The following NME7 variants were observed in gnomAD, a reference collection of about 807,000 sequenced individuals.
NME7 encodes the protein nucleoside diphosphate kinase 7.
NME7 carries 41 observed loss-of-function variants against 49.1 expected under a neutral mutation model. The observed-to-expected ratio is 0.83, with a 90% CI of 0.65 to 1.08. NME7 has a LOEUF of 1.08. Among genes scored for constraint, NME7 ranks in the 50% least tolerant of loss-of-function variants. NME7 has a pLI of 0.00. For missense variants in NME7, 423 were observed against 463.4 expected (o/e 0.91, Z 0.80); for synonymous variants, 139 against 150.6 (o/e 0.92, Z 0.56).
chr1:169,227,071 C>A (rs185666217), intron 10 of NME7, among the ~76,000 whole-genome samples: 4 of 152,194 alleles, frequency 2.6e-5, no homozygotes, highest in African/African-American at 9.6e-5. Context: ...CAGGAGTGAG[C>A]CTTGCACATA....
chr1:169,216,116 G>A (rs1009035642), intron 10 of NME7, among the ~76,000 whole-genome samples: 3 of 152,198 alleles, frequency 2.0e-5, no homozygotes, highest in Non-Finnish European at 2.9e-5. Context: ...AACACATTTG[G>A]TCTTAGTCCT....
At position 169,168,449 on chromosome 1, in the gene NME7, C is replaced by A. The variant is rs1659477576; in HGVS notation, c.1098+998G>T. The stretch of plus-strand genomic sequence containing the variant: ...TCCCCGCCTTTTTTGGAGGCAAAGT[C>A]TCGCTATGATGTCCAGGGTGGAGTT... On this transcript the variant is annotated intron_variant, in intron 11 of 11. Transcript: ENST00000367811. 2.0e-5 allele frequency among the ~76,000 whole-genome samples: 3 copies of A among 151,860 alleles called. No homozygotes were observed. The South Asian group carries it at 6.2e-4, about 32-fold the overall frequency.
intron 11 of NME7, among the ~76,000 whole-genome samples, chr1:169,147,421 C>T (rs1160240217): frequency 1.3e-5 from 2 of 152,142 alleles, no homozygotes; most frequent in African/African-American, 2.4e-5. Context: ...CCCAGATTGC[C>T]TGGGTTCAAG....
chr1:169,148,047 G>A lies in NME7; in HGVS notation c.1099-15230C>T, dbSNP rs555389656. ...AGACAGAGTCTCGCTCTGTTGCCCA[G>A]GCTGGAGTGCAGTGCTTTGATCTCT... is the stretch of plus-strand genomic sequence containing the variant. On this transcript the variant is annotated intron_variant, in intron 11 of 11. Coordinates refer to ENST00000367811, the MANE Select transcript of NME7 (RefSeq NM_013330.5). Among the ~76,000 whole-genome samples, 13 of 151,886 alleles carry A rather than the reference G, an allele frequency of 8.6e-5. No homozygotes were observed. The East Asian group carries it at 1.4e-3, about 16-fold the overall frequency.
chr1:169,186,790 T>G (rs1235267966), intron 10 of NME7, among the ~76,000 whole-genome samples: 1 of 152,194 alleles, frequency 6.6e-6, no homozygotes, highest in Non-Finnish European at 1.5e-5. Flanking sequence ...ATTTCTTGTC[T>G]TCTGCTAGCT....
intron 1 of NME7, among the ~76,000 whole-genome samples, chr1:169,344,251 CA>C (rs770159506): frequency 3.9e-5 from 6 of 152,260 alleles, no homozygotes; most frequent in Non-Finnish European, 8.8e-5. Context: ...TTGTATTCTG[CA>C]ACTTTGATGA....
At chr1:169,257,588 C>A (rs949982119) in intron 7 of NME7, among the ~76,000 whole-genome samples, 1 of 134,044 alleles carries the variant, frequency 7.5e-6, no homozygotes, top group African/African-American at 2.5e-5. Flanking sequence ...TTGGCTCCTC[C>A]CCCTCTGGTT....
intron 10 of NME7, among the ~76,000 whole-genome samples, chr1:169,197,926 C>G (rs1379514043): frequency 6.6e-6 from 1 of 152,040 alleles, no homozygotes; most frequent in African/African-American, 2.4e-5. Flanking sequence ...AAGTAACAGA[C>G]AGCCCACAGA....
intron 9 of NME7, among the ~76,000 whole-genome samples, chr1:169,231,495 G>A (rs909444177): frequency 1.3e-5 from 2 of 152,140 alleles, no homozygotes; most frequent in African/African-American, 4.8e-5. Context: ...TTATTTTCAG[G>A]AAAGAATACT....
intron 1 of NME7, among the ~76,000 whole-genome samples, chr1:169,332,802 T>C (rs897787808): frequency 1.3e-5 from 2 of 152,170 alleles, no homozygotes; most frequent in Non-Finnish European, 2.9e-5. Context: ...ATGGCTCTTA[T>C]CCAAAAGACA....
intron 10 of NME7, among the ~76,000 whole-genome samples, chr1:169,218,803 G>A (rs1661052817): frequency 6.6e-6 from 1 of 151,380 alleles, no homozygotes; most frequent in South Asian, 2.1e-4. Context: ...TAATCTCAGT[G>A]TTTATCATTA....
chr1:169,343,950 A>C (rs1652866982), intron 1 of NME7, among the ~76,000 whole-genome samples: 1 of 152,210 alleles, frequency 6.6e-6, no homozygotes, highest in Non-Finnish European at 1.5e-5. Flanking sequence ...TTCTGCAAAA[A>C]TGCCCACTGG....
chr1:169,241,538 G>A (rs1225590855), intron 7 of NME7, among the ~76,000 whole-genome samples: 1 of 151,744 alleles, frequency 6.6e-6, no homozygotes, highest in Admixed American at 6.6e-5. Flanking sequence ...CAATCAATAT[G>A]AAAAGAAATT....
chr1:169,283,858 TTCTC>T (rs1571354709), intron 7 of NME7: 1 of 152,220 alleles, frequency 6.6e-6, no homozygotes, highest in Non-Finnish European at 1.5e-5. Flanking sequence ...AACCCAACCT[TTCTC>T]TCTGGCTGCC....
chr1:169,146,759 G>T (rs763225582), intron 11 of NME7, among the ~76,000 whole-genome samples: 1 of 152,178 alleles, frequency 6.6e-6, no homozygotes, highest in Non-Finnish European at 1.5e-5. Context: ...GGATACAAAG[G>T]TAAGACATGG....
chr1:169,169,601 T>C, intron 10 of NME7, 47 bp from the exon 11 acceptor site: 2 of 1,535,424 alleles, frequency 1.3e-6, no homozygotes, highest in Non-Finnish European at 1.8e-6. Context: ...TCATATGGTA[T>C]AAATAAGAAA....
intron 11 of NME7, among the ~76,000 whole-genome samples, chr1:169,144,109 T>C (rs931352736): frequency 1.1e-4 from 16 of 152,234 alleles, no homozygotes; most frequent in African/African-American, 3.9e-4. Context: ...TTTTAAGCTA[T>C]GCTATATCAA....
intron 1 of NME7, among the ~76,000 whole-genome samples, chr1:169,364,516 G>A (rs772547760): frequency 3.9e-5 from 6 of 152,066 alleles, no homozygotes; most frequent in Non-Finnish European, 2.9e-5. Context: ...CAATAGCTGG[G>A]ACTACACACA....
intron 7 of NME7, among the ~76,000 whole-genome samples, chr1:169,251,828 G>A (rs886474021): frequency 7.3e-5 from 11 of 150,766 alleles, no homozygotes; most frequent in Non-Finnish European, 1.2e-4. Flanking sequence ...TTTTGTTCTT[G>A]CAACAGTTTA....
Sources: gnomAD v4.1 joint callset for allele counts (sites outside exome capture counted in the v4.1 genomes callset) on GRCh38, gnomAD v4.1.1 for gene constraint, MANE v1.5 for transcripts, NCBI Gene and HGNC (gene_info 2026-07-23, HGNC 2026-07-21) for gene names.